Variants in ANXA6 observed in about 807,000 individuals in gnomAD.
The protein encoded by ANXA6 is 67 kDa calelectrin.
In ANXA6, 71 loss-of-function variants were observed where a neutral mutation model predicts 95.4. That is an observed-to-expected ratio of 0.74 (90% CI 0.61 to 0.91). ANXA6 has a LOEUF of 0.91. Among genes scored for constraint, ANXA6 ranks in the 40% least tolerant of loss-of-function variants. ANXA6 has a pLI of 0.00. For missense variants in ANXA6, 830 were observed against 876.4 expected (o/e 0.95, Z 0.67); for synonymous variants, 289 against 315.9 (o/e 0.91, Z 0.90).
At chr5:151,135,688 C>T (rs11951924) in intron 7 of ANXA6, among the ~76,000 whole-genome samples, 45,104 of 152,100 alleles carry the variant, frequency 0.3, 7,066 homozygotes, top group African/African-American at 0.38. Context: ...TGCAGGTCTG[C>T]TGCTACCGCA....
intron 4 of ANXA6, 102 bp from the exon 5 acceptor site, chr5:151,138,893 C>T: frequency 3.8e-6 from 3 of 797,392 alleles, no homozygotes; most frequent in Non-Finnish European, 6.4e-6. Flanking sequence ...AGGTGCTGGG[C>T]TAAGTAATCT....
At chr5:151,142,339 A>G (rs1174959456) in intron 2 of ANXA6, among the ~76,000 whole-genome samples, 3 of 152,198 alleles carry the variant, frequency 2.0e-5, no homozygotes, top group Non-Finnish European at 4.4e-5. Flanking sequence ...TTAGCCAGGC[A>G]TGGTGGCAGG....
At chr5:151,133,288 G>A (rs1239995738) in intron 8 of ANXA6, 101 bp from the exon 9 acceptor site, 17 of 734,566 alleles carry the variant, frequency 2.3e-5, no homozygotes, top group East Asian at 5.5e-5. Flanking sequence ...CTGAACACAC[G>A]AGTAATTGGT....
At chr5:151,118,867 C>T (rs151185144) in intron 18 of ANXA6, among the ~76,000 whole-genome samples, 37 of 152,222 alleles carry the variant, frequency 2.4e-4, no homozygotes, top group African/African-American at 8.2e-4. Context: ...TGCACCTAGC[C>T]GATTTAAACA....
intron 2 of ANXA6, among the ~76,000 whole-genome samples, chr5:151,146,746 C>T (rs558761643): frequency 1.4e-4 from 22 of 152,292 alleles, no homozygotes; most frequent in South Asian, 8.3e-4. Context: ...CTTTCTCCAA[C>T]GCCAGCCAAC....
intron 15 of ANXA6, 99 bp from the exon 16 acceptor site, chr5:151,123,110 T>TTCTACCCTGAC: frequency 9.2e-7 from 1 of 1,085,968 alleles, no homozygotes; most frequent in Non-Finnish European, 1.4e-6. Flanking sequence ...TTTGTCAGGG[T>TTCTACCCTGAC]AGAAGCCTGG....
chr5:151,109,382 C>A (rs959465758), intron 22 of ANXA6, among the ~76,000 whole-genome samples: 4 of 152,194 alleles, frequency 2.6e-5, no homozygotes. Flanking sequence ...TGTGCCACCA[C>A]CACCTCTCGC....
chr5:151,112,892 A>C (rs759298622), intron 20 of ANXA6, among the ~76,000 whole-genome samples: 1 of 152,208 alleles, frequency 6.6e-6, no homozygotes, highest in Non-Finnish European at 1.5e-5. Flanking sequence ...ATAAAAGCAT[A>C]AATACTGTAT....
In ANXA6 at chr5:151,101,330, A is replaced by AACCCCACCCCCCC; in HGVS notation, c.*117_*118insGGGGGGGTGGGGT. ...CCACTGAAGATAAGAGCCCAACCCAACCCCTCCCCCCACCCCTGCCCCTTC... is the reference window on the plus strand; with the variant it reads ...CCACTGAAGATAAGAGCCCAACCCAAACCCCACCCCCCCCCCCTCCCCCCACCCCTGCCCCTTC... On this transcript the variant is annotated 3_prime_UTR_variant, in exon 26 of 26. Transcript: ENST00000354546. 2.6e-6 allele frequency: 1 copy of AACCCCACCCCCCC among 385,870 alleles called. No homozygotes were observed. The highest frequency in any genetic ancestry group is 5.2e-6 in the Non-Finnish European group (1 of 190,630). The allele number at this position is 385,870 out of a possible 1,614,324, so 23.9% of individuals were successfully genotyped here.
intron 20 of ANXA6, among the ~76,000 whole-genome samples, chr5:151,115,941 G>A (rs2113906426): frequency 6.6e-6 from 1 of 152,356 alleles, no homozygotes; most frequent in Non-Finnish European, 1.5e-5. Context: ...AGGCAAGCCT[G>A]AGTTCAAATA....
At chr5:151,126,026 T>C (rs1765305495) in intron 14 of ANXA6, among the ~76,000 whole-genome samples, 1 of 152,206 alleles carries the variant, frequency 6.6e-6, no homozygotes, top group African/African-American at 2.4e-5. Flanking sequence ...AGTCTGAGGA[T>C]GCTCAGGAGG....
intron 17 of ANXA6, among the ~76,000 whole-genome samples, chr5:151,120,697 C>A (rs555198686): frequency 6.6e-6 from 1 of 151,554 alleles, no homozygotes; most frequent in African/African-American, 2.4e-5. Flanking sequence ...CCAGCCTGGG[C>A]GAAAGAGCGA....
Position 151,128,511 on chromosome 5 carries a change from T to C in ANXA6, c.919-272A>G, listed in dbSNP as rs183798783. On this transcript the variant is annotated intron_variant, in intron 12 of 25. Transcript: ENST00000354546. ...GTTACCAATATGACTTTGCTACCAA[T>C]ATGCGGAGTTGAGAAGAGATGCTCG... The C allele has an allele frequency of 1.0e-3, 426 of 425,702 alleles. 2 individuals carry two copies. In the Middle Eastern group the frequency reaches 0.016, roughly 16 times the overall value. The allele number at this position is 425,702 out of a possible 1,614,324, so 26.4% of individuals were successfully genotyped here.
At chr5:151,109,440 C>T (rs1309328456) in intron 22 of ANXA6, among the ~76,000 whole-genome samples, 1 of 152,156 alleles carries the variant, frequency 6.6e-6, no homozygotes, top group Non-Finnish European at 1.5e-5. Flanking sequence ...CGCGGGACCC[C>T]AGAATCCTTA....
intron 20 of ANXA6, among the ~76,000 whole-genome samples, chr5:151,111,223 A>C (rs1764839129): frequency 6.6e-6 from 1 of 152,204 alleles, no homozygotes; most frequent in African/African-American, 2.4e-5. Context: ...GGTTACTTTT[A>C]ATCACTGCAC....
At chr5:151,128,353 A>T (rs983378315) in intron 12 of ANXA6, 114 bp from the exon 13 acceptor site, 4 of 897,426 alleles carry the variant, frequency 4.5e-6, no homozygotes, top group Non-Finnish European at 7.1e-6. Flanking sequence ...ACACTTATTC[A>T]TAGCAGCCCT....
chr5:151,152,325 G>A (rs1375726832), intron 1 of ANXA6, among the ~76,000 whole-genome samples: 1 of 152,198 alleles, frequency 6.6e-6, no homozygotes, highest in African/African-American at 2.4e-5. Context: ...ATTATAATAA[G>A]CCCAAACATT....
intron 23 of ANXA6, 31 bp from the exon 24 acceptor site, chr5:151,105,334 C>T (rs921223166): frequency 1.7e-5 from 27 of 1,609,962 alleles, no homozygotes; most frequent in East Asian, 2.2e-5. Context: ...ATGCGGGGAA[C>T]GTGGTCAGAG....
Position 151,131,265 on chromosome 5 carries a change from T to C in ANXA6, c.761A>G (p.Glu254Gly), listed in dbSNP as rs1286416953. The C allele has an allele frequency of 1.9e-6, 3 of 1,613,960 alleles. No individual in the cohort carries two copies. The highest frequency in any genetic ancestry group is 1.7e-6 in the Non-Finnish European group (2 of 1,179,880). Residue 254 changes from glutamate (E) to glycine (G), a missense_variant, in exon 11 of 26, where the codon GAA (glutamate) becomes GGA (glycine). By Grantham distance (98) the Glu-to-Gly change is moderately conservative. Transcript: ENST00000354546. ...CTTGAAGAGCCTTTCAGCAAAATAT[T>C]CCGGGGTGCTCCGGATACACTTCAC... ...AVVKCIRSTP[E>G]YFAERLFKAM...
Sources: gnomAD v4.1 joint callset for allele counts (sites outside exome capture counted in the v4.1 genomes callset) on GRCh38, gnomAD v4.1.1 for gene constraint, MANE v1.5 for transcripts, NCBI Gene and HGNC (gene_info 2026-07-23, HGNC 2026-07-21) for gene names.